The following CTNNA2 variants were observed in gnomAD, a reference collection of about 807,000 sequenced individuals.
CTNNA2 encodes the protein catenin alpha 2.
CTNNA2 carries 42 observed loss-of-function variants against 101.0 expected under a neutral mutation model. That is an observed-to-expected ratio of 0.42 (90% CI 0.32 to 0.54). The LOEUF is 0.54. Among genes scored for constraint, CTNNA2 ranks in the 20% least tolerant of loss-of-function variants. CTNNA2 has a pLI of 0.14. For synonymous variants in CTNNA2, 450 were observed against 456.4 expected (o/e 0.99, Z 0.18); for missense variants, 871 against 1,223.1 (o/e 0.71, Z 4.29).
intron 7 of CTNNA2, among the ~76,000 whole-genome samples, chr2:79,967,313 C>A (rs1690144759): frequency 1.3e-5 from 2 of 152,072 alleles, no homozygotes; most frequent in East Asian, 1.9e-4. Flanking sequence ...CGTCTAGGTC[C>A]CAAACTTAGG....
At chr2:80,530,422 T>TG (rs1056405542) in intron 9 of CTNNA2, among the ~76,000 whole-genome samples, 1 of 152,168 alleles carries the variant, frequency 6.6e-6, no homozygotes, top group Non-Finnish European at 1.5e-5. Context: ...TGGTTATCAA[T>TG]GAAAACCAGG....
At position 80,506,172 on chromosome 2, in the gene CTNNA2, G is replaced by A. The variant is rs148101967; in HGVS notation, c.1291-38810G>A. On this transcript the variant is annotated intron_variant, in intron 9 of 18. Coordinates refer to ENST00000402739, the MANE Select transcript of CTNNA2 (RefSeq NM_001282597.3). ...AAGCATCAGTGGTTACTAGTGGGCTGCATGACTACTTGAATGACCAATGGA... is the reference window on the plus strand; with the variant it reads ...AAGCATCAGTGGTTACTAGTGGGCTACATGACTACTTGAATGACCAATGGA... 5.5e-3 allele frequency among the ~76,000 whole-genome samples: 837 copies of A among 152,312 alleles called. 5 individuals are homozygous for A. Among genetic ancestry groups the A allele is most frequent in the Non-Finnish European group, 7.5e-3 (513 of 68,026 alleles).
chr2:79,769,647 G>T (rs1397696), intron 3 of CTNNA2, among the ~76,000 whole-genome samples: 1 of 151,924 alleles, frequency 6.6e-6, no homozygotes, highest in African/African-American at 2.4e-5. Context: ...CATTAGTTAC[G>T]TTTTGAACTA....
At chr2:79,193,735 A>G (rs1247207671) in intron 1 of CTNNA2, among the ~76,000 whole-genome samples, 1 of 152,196 alleles carries the variant, frequency 6.6e-6, no homozygotes, top group African/African-American at 2.4e-5. Flanking sequence ...AAGCAATGTG[A>G]CTGTATATTA....
intron 9 of CTNNA2, among the ~76,000 whole-genome samples, chr2:80,431,843 A>C (rs577775765): frequency 1.3e-5 from 2 of 152,276 alleles, no homozygotes; most frequent in Non-Finnish European, 2.9e-5. Flanking sequence ...GCTAAATGAC[A>C]TTCTGTTATT....
chr2:79,368,527 T>C (rs1558648660), intron 3 of CTNNA2, among the ~76,000 whole-genome samples: 1 of 152,324 alleles, frequency 6.6e-6, no homozygotes, highest in East Asian at 1.9e-4. Context: ...GTTATCTGAT[T>C]ATTTCATTTG....
intron 7 of CTNNA2, among the ~76,000 whole-genome samples, chr2:79,943,030 A>G (rs1688263641): frequency 6.6e-6 from 1 of 152,098 alleles, no homozygotes; most frequent in Non-Finnish European, 1.5e-5. Context: ...CATTCTGGCC[A>G]ATGTGTTGAA....
intron 9 of CTNNA2, among the ~76,000 whole-genome samples, chr2:80,452,022 A>C (rs1020334667): frequency 1.3e-5 from 2 of 152,246 alleles, no homozygotes; most frequent in African/African-American, 4.8e-5. Context: ...AGCATATTAA[A>C]TAGATGACTA....
At chr2:80,174,933 T>C (rs1023322098) in intron 7 of CTNNA2, among the ~76,000 whole-genome samples, 1 of 152,162 alleles carries the variant, frequency 6.6e-6, no homozygotes, top group Non-Finnish European at 1.5e-5. Flanking sequence ...TTTTTCCTAA[T>C]ATGAATCTAA....
chr2:80,536,249 T>C (rs937695155), intron 9 of CTNNA2, among the ~76,000 whole-genome samples: 9 of 152,190 alleles, frequency 5.9e-5, no homozygotes, highest in African/African-American at 2.2e-4. Context: ...ATTGTGATGA[T>C]AGTTTTAGAG....
Position 79,680,055 on chromosome 2 carries a change from T to C in CTNNA2, c.102+28397T>C, listed in dbSNP as rs964050595. On this transcript the variant is annotated intron_variant, in intron 2 of 18. Coordinates refer to ENST00000402739, the MANE Select transcript of CTNNA2 (RefSeq NM_001282597.3). The stretch of plus-strand genomic sequence containing the variant: ...GCAGCAAGAGAGGAAGAGAAAGCAA[T>C]GGTAAAATATTCCTGATTTGGAAAT... Among the ~76,000 whole-genome samples the C allele has an allele frequency of 4.6e-5, 7 of 151,960 alleles. No individual in the cohort carries two copies. The South Asian group carries it at 6.2e-4, about 14-fold the overall frequency.
chr2:80,527,020 A>C (rs528570451), intron 9 of CTNNA2, among the ~76,000 whole-genome samples: 27 of 152,166 alleles, frequency 1.8e-4, no homozygotes, highest in Non-Finnish European at 4.0e-4. Context: ...CAGGGGAAAA[A>C]ATTTGAGCAC....
intron 9 of CTNNA2, among the ~76,000 whole-genome samples, chr2:80,502,975 T>C (rs1215117579): frequency 6.6e-6 from 1 of 152,158 alleles, no homozygotes; most frequent in East Asian, 1.9e-4. Flanking sequence ...GAGACCAGTG[T>C]AAGCAACATA....
intron 9 of CTNNA2, among the ~76,000 whole-genome samples, chr2:80,503,117 C>T (rs1688002394): frequency 6.6e-6 from 1 of 152,026 alleles, no homozygotes; most frequent in African/African-American, 2.4e-5. Context: ...AGGCTGCACT[C>T]AGCCATGATG....
chr2:80,238,534 G>T (rs1339862325), intron 7 of CTNNA2, among the ~76,000 whole-genome samples: 1 of 152,198 alleles, frequency 6.6e-6, no homozygotes, highest in Non-Finnish European at 1.5e-5. Context: ...AGATGTGAAA[G>T]AGATTTTGTA....
At chr2:80,533,217 T>G (rs770893553) in intron 9 of CTNNA2, among the ~76,000 whole-genome samples, 1 of 152,096 alleles carries the variant, frequency 6.6e-6, no homozygotes, top group Non-Finnish European at 1.5e-5. Context: ...AGCCTGAAGG[T>G]GTTTGGAAGA....
chr2:80,003,785 CA>C (rs1483380407), intron 7 of CTNNA2, among the ~76,000 whole-genome samples: 3 of 152,138 alleles, frequency 2.0e-5, no homozygotes, highest in African/African-American at 7.2e-5. Context: ...ATGAGTAAAA[CA>C]GAGATAATAA....
intron 3 of CTNNA2, among the ~76,000 whole-genome samples, chr2:79,353,256 A>G (rs1269784221): frequency 6.6e-6 from 1 of 152,232 alleles, no homozygotes; most frequent in Non-Finnish European, 1.5e-5. Context: ...CCCAAAAGTC[A>G]TTTAGCAGCA....
At chr2:80,101,045 G>A (rs933853575) in intron 7 of CTNNA2, among the ~76,000 whole-genome samples, 1 of 152,144 alleles carries the variant, frequency 6.6e-6, no homozygotes, top group Non-Finnish European at 1.5e-5. Flanking sequence ...TCTGGCTGTT[G>A]TAAGTCTGAT....
Sources: allele counts gnomAD v4.1 joint callset (sites outside exome capture counted in the v4.1 genomes callset), GRCh38; gene constraint gnomAD v4.1.1; transcripts MANE v1.5; gene names NCBI Gene and HGNC (gene_info 2026-07-23, HGNC 2026-07-21).